The following NUMBL variants were observed in gnomAD, a reference collection of about 807,000 sequenced individuals.
NUMBL encodes the protein numb-like protein.
Under a neutral mutation model 48.9 loss-of-function variants are expected in NUMBL, and 20 were observed. That is an observed-to-expected ratio of 0.41 (90% CI 0.29 to 0.59). NUMBL has a LOEUF of 0.59. NUMBL is among the 20% of genes least tolerant of loss of function. The pLI is 0.31. For missense variants in NUMBL, 660 were observed against 846.2 expected (o/e 0.78, Z 2.73); for synonymous variants, 340 against 348.7 (o/e 0.98, Z 0.28).
intron 6 of NUMBL, 88 bp from the exon 7 acceptor site, chr19:40,677,509 G>T: frequency 8.1e-7 from 1 of 1,227,076 alleles, no homozygotes; most frequent in Non-Finnish European, 1.1e-6. Flanking sequence ...GCTAGGTACT[G>T]GGTTGCCCCG....
Position 40,684,295 on chromosome 19 carries a change from C to A in NUMBL, c.249+122G>T, listed in dbSNP as rs561697439. The A allele has an allele frequency of 5.5e-6, 6 of 1,085,776 alleles. No homozygotes were observed. In the South Asian group the frequency reaches 7.7e-5, roughly 14 times the overall value. 67.3% of individuals were successfully genotyped at this position (1,085,776 alleles called of 1,614,324 possible). On this transcript the variant is annotated intron_variant, in intron 3 of 9. Transcript: ENST00000252891. ...GTGATAGCCAGGACTGCCGGCCTCACGCTTTTTAACACCAACTTCAAACGA... is the reference window on the plus strand; with the variant it reads ...GTGATAGCCAGGACTGCCGGCCTCAAGCTTTTTAACACCAACTTCAAACGA...
At position 40,667,743 on chromosome 19, in the gene NUMBL, C is replaced by T. The variant is rs73546875; in HGVS notation, c.1555G>A (p.Ala519Thr). The part of the protein sequence containing the change: ...GITPSQMVAN[A>T]FCSAAQLQPQ... ...TGGAGCTGGGCGGCTGAGCAGAAGG[C>T]GTTTGCCACCATCTGTGAGGGTGTG... The change falls in exon 10 of 10, where the codon GCC becomes ACC. Residue 519 changes from alanine to threonine, a missense_variant. By Grantham distance (58) the Ala-to-Thr change is moderately conservative (BLOSUM62 0). This residue lies in a region of NUMBL where 296 missense variants were observed against 339.7 expected (regional missense o/e 0.87). Coordinates refer to ENST00000252891, the MANE Select transcript of NUMBL (RefSeq NM_004756.5). This position sits in a 1 kb window ranked among gnomAD's most constrained non-coding sequence, Gnocchi z 6.1. 2.0e-5 allele frequency: 32 copies of T among 1,578,302 alleles called. No homozygotes were observed. Among genetic ancestry groups the T allele is most frequent in the Non-Finnish European group, 2.2e-5 (26 of 1,162,860 alleles).
chr19:40,675,689 T>C (rs1296967435), intron 7 of NUMBL, among the ~76,000 whole-genome samples: 1 of 151,702 alleles, frequency 6.6e-6, no homozygotes, highest in African/African-American at 2.4e-5. Flanking sequence ...TCAAACTTTC[T>C]TGATGGCAAT....
At position 40,682,692 on chromosome 19, in the gene NUMBL, C is replaced by A. The variant is rs1240047010; in HGVS notation, c.399+36G>T. The stretch of plus-strand genomic sequence containing the variant: ...CCCTGATTCCAGCAGGGTGAGCAGA[C>A]AGGCCCCCTGGCGTCCACCCCCACA... On this transcript the variant is annotated intron_variant, in intron 5 of 9. Coordinates refer to ENST00000252891, the MANE Select transcript of NUMBL (RefSeq NM_004756.5). This position sits in a 1 kb window ranked among gnomAD's most constrained non-coding sequence, Gnocchi z 4.0. The A allele has an allele frequency of 6.2e-7, 1 of 1,603,198 alleles. No homozygotes were observed. Among genetic ancestry groups the A allele is most frequent in the Admixed American group, 1.7e-5 (1 of 59,554 alleles).
In NUMBL at chr19:40,686,673, GTC is replaced by G. The variant is rs2081936325; in HGVS notation, c.109+236_109+237del. Among the ~76,000 whole-genome samples, 4 of 146,410 alleles carry G rather than the reference GTC, an allele frequency of 2.7e-5. No homozygotes were observed. In the South Asian group the frequency reaches 8.7e-4, roughly 32 times the overall value. On this transcript the variant is annotated intron_variant, in intron 2 of 9. Coordinates refer to ENST00000252891, the MANE Select transcript of NUMBL (RefSeq NM_004756.5). The stretch of plus-strand genomic sequence containing the variant: ...GAAAGAGATCTGTGTGTGTGTGTGT[GTC>G]TCTAACCGTATATCTACAGATGTGA...
chr19:40,671,529 T>G (rs1422826021), intron 8 of NUMBL, among the ~76,000 whole-genome samples: 5 of 152,134 alleles, frequency 3.3e-5, no homozygotes, highest in Non-Finnish European at 5.9e-5. Context: ...CTGGGGAGTG[T>G]GCCTGATGTC....
In NUMBL at chr19:40,690,535, C is replaced by T. The variant is rs976063366; in HGVS notation, c.-52G>A. The T allele has an allele frequency of 2.1e-5, 24 of 1,153,054 alleles. No homozygotes were observed. Among genetic ancestry groups the T allele is most frequent in the East Asian group, 3.3e-5 (1 of 29,960 alleles). 71.4% of individuals were successfully genotyped at this position (1,153,054 alleles called of 1,614,324 possible). On this transcript the variant is annotated 5_prime_UTR_variant, in exon 1 of 10. Coordinates refer to ENST00000252891, the MANE Select transcript of NUMBL (RefSeq NM_004756.5). The stretch of plus-strand genomic sequence containing the variant: ...GCGGCCCTGGCTGGGCCTGGCTCCC[C>T]GACTGCTGCTGCTGCGGTGGTGGCG...
Position 40,677,294 on chromosome 19 carries a change from C to A in NUMBL, c.668G>T (p.Gly223Val). ...CCCACCCCCAGACAGGCGGAAGGAG[C>A]CCTCGCGGGCGAAGCTGGTGCGGCT... is the stretch of plus-strand genomic sequence containing the variant. ...DASRTSFARE[G>V]SFRLSGGGRP... Residue 223 changes from glycine (G) to valine (V), a missense_variant, in exon 7 of 10, where the codon GGC becomes GTC. This residue lies in a region of NUMBL where 278 missense variants were observed against 420.6 expected (regional missense o/e 0.66). Coordinates refer to ENST00000252891, the MANE Select transcript of NUMBL (RefSeq NM_004756.5). The A allele has an allele frequency of 1.9e-6, 3 of 1,608,620 alleles. No individual in the cohort carries two copies. Among genetic ancestry groups the A allele is most frequent in the Admixed American group, 1.7e-5 (1 of 59,400 alleles).
chr19:40,668,193 C>T (rs1281383873), intron 9 of NUMBL, 55 bp from the exon 10 acceptor site: 7 of 1,516,180 alleles, frequency 4.6e-6, no homozygotes, highest in Non-Finnish European at 5.3e-6. Context: ...AGCAGAAGAA[C>T]CCCAGGCTGG....
Position 40,682,987 on chromosome 19 carries a change from G to GGGC in NUMBL, c.250-20_250-19insGCC, listed in dbSNP as rs1555753697. Reference sequence around the variant, plus strand: ...CCAGGTACTTGGGTTGGAGGGAATGGGGGGGGGGACATGAAACAGCACAGT... The same window carrying GGGC: ...CCAGGTACTTGGGTTGGAGGGAATGGGGCGGGGGGGGACATGAAACAGCACAGT... On this transcript the variant is annotated intron_variant, in intron 3 of 9. Transcript: ENST00000252891. The surrounding 1 kb of genome is among the most constrained non-coding windows in gnomAD (Gnocchi z 4.0). 56 of 1,602,038 alleles carry GGGC rather than the reference G, an allele frequency of 3.5e-5. No homozygotes were observed. Among genetic ancestry groups the GGGC allele is most frequent in the Non-Finnish European group, 4.6e-5 (54 of 1,170,692 alleles).
chr19:40,683,084 G>T, intron 3 of NUMBL, 116 bp from the exon 4 acceptor site: 3 of 905,294 alleles, frequency 3.3e-6, no homozygotes, highest in Non-Finnish European at 5.4e-6. Context: ...TGATGTGTAT[G>T]CAATCATTTA....
intron 8 of NUMBL, among the ~76,000 whole-genome samples, chr19:40,671,937 G>C (rs1226961093): frequency 6.6e-6 from 1 of 152,022 alleles, no homozygotes; most frequent in East Asian, 1.9e-4. Context: ...CTGGAGTGAA[G>C]TGGCGCAATC....
chr19:40,673,711 C>T lies in NUMBL; in HGVS notation c.731-62G>A, dbSNP rs553941529. On this transcript the variant is annotated intron_variant, in intron 7 of 9. Coordinates refer to ENST00000252891, the MANE Select transcript of NUMBL (RefSeq NM_004756.5). This position sits in a 1 kb window ranked among gnomAD's most constrained non-coding sequence, Gnocchi z 5.9. The stretch of plus-strand genomic sequence containing the variant: ...ACCATGGCATGCAAGGCCTCTCCCA[C>T]CTGGTTCTCTTGATCATTCTCCAAG... 3.6e-6 allele frequency: 5 copies of T among 1,403,908 alleles called. No individual in the cohort carries two copies. The highest frequency in any genetic ancestry group is 1.4e-5 in the African/African-American group (1 of 69,006). 87.0% of individuals were successfully genotyped at this position (1,403,908 alleles called of 1,614,324 possible).
At chr19:40,674,876 C>T (rs576616035) in intron 7 of NUMBL, among the ~76,000 whole-genome samples, 3 of 152,256 alleles carry the variant, frequency 2.0e-5, no homozygotes, top group Middle Eastern at 3.4e-3. Flanking sequence ...CAGTGGTTCA[C>T]GCCTGTAATC....
At position 40,688,549 on chromosome 19, in the gene NUMBL, C is replaced by T. The variant is rs1366557884; in HGVS notation, c.25-1554G>A. 6.6e-6 allele frequency among the ~76,000 whole-genome samples: 1 copy of T among 152,098 alleles called. No homozygotes were observed. On this transcript the variant is annotated intron_variant, in intron 1 of 9. Coordinates refer to ENST00000252891, the MANE Select transcript of NUMBL (RefSeq NM_004756.5). This position sits in a 1 kb window ranked among gnomAD's most constrained non-coding sequence, Gnocchi z 4.6. ...ATCACACATTCTAACACAGGTAGTC[C>T]AGCACATACACACAGAGACAAAAAC...
intron 6 of NUMBL, among the ~76,000 whole-genome samples, chr19:40,677,655 G>C (rs1267529668): frequency 6.6e-6 from 1 of 152,198 alleles, no homozygotes; most frequent in African/African-American, 2.4e-5. Flanking sequence ...AATTCCAGAA[G>C]AGGCAAAACT....
chr19:40,671,272 T>C (rs912889302), intron 8 of NUMBL, among the ~76,000 whole-genome samples: 15 of 152,106 alleles, frequency 9.9e-5, no homozygotes, highest in African/African-American at 2.4e-4. Flanking sequence ...AGCCACCACG[T>C]CTGGCCATGT....
chr19:40,667,573 G>A lies in NUMBL; in HGVS notation c.1725C>T (p.Asp575=). 6.4e-7 allele frequency: 1 copy of A among 1,557,866 alleles called. No individual in the cohort carries two copies. The highest frequency in any genetic ancestry group is 8.7e-7 in the Non-Finnish European group (1 of 1,150,426). ...ATGCCGCCCACTGGGCCTCAAAGGG[G>A]TCCAACTCTGGAGCTGGGGCAGGCG... The part of the protein sequence containing the change: ...EPAPAPAPEL[D]PFEAQWAALE... The change falls in exon 10 of 10, where the codon GAC becomes GAT. Residue 575 remains aspartate, a synonymous_variant. Transcript: ENST00000252891. The surrounding 1 kb of genome is among the most constrained non-coding windows in gnomAD (Gnocchi z 6.1).
rs1371859973 is a variant in NUMBL at position 40,667,807 on chromosome 19, C to T, written c.1491G>A (p.Leu497=). 3 of 1,584,590 alleles carry T rather than the reference C, an allele frequency of 1.9e-6. No individual in the cohort carries two copies. Among genetic ancestry groups the T allele is most frequent in the Non-Finnish European group, 2.6e-6 (3 of 1,165,904 alleles). ...GCACCCGGGGCATCGGTGGGTAGCC[C>T]AAGCCCGGGTAGGCGGGCACAAAAG... ...QPPFVPAYPG[L]GYPPMPRVPV... is the part of the protein sequence containing the mutation. The change falls in exon 10 of 10, where the codon TTG becomes TTA. Residue 497 remains leucine, a synonymous_variant. Coordinates refer to ENST00000252891, the MANE Select transcript of NUMBL (RefSeq NM_004756.5). This position sits in a 1 kb window ranked among gnomAD's most constrained non-coding sequence, Gnocchi z 6.1.
Sources: gnomAD v4.1 joint callset for allele counts (sites outside exome capture counted in the v4.1 genomes callset) on GRCh38, gnomAD v4.1.1 for gene constraint, gnomAD v4.1.1 regional missense constraint, Gnocchi (gnomAD v3.1) non-coding constraint, MANE v1.5 for transcripts, NCBI Gene and HGNC (gene_info 2026-07-23, HGNC 2026-07-21) for gene names.